GRIN2B: variants seen among roughly 807,000 people sequenced by gnomAD.
The protein encoded by GRIN2B is glutamate ionotropic receptor NMDA type subunit 2B, also known as glutamate receptor ionotropic, NMDA 2B.
In GRIN2B, 5 loss-of-function variants were observed where a neutral mutation model predicts 114.5. The ratio of observed to expected loss-of-function variants is 0.04; its 90% CI spans 0.02 to 0.09. The LOEUF (loss-of-function observed/expected upper bound fraction) is 0.09, where lower values mean the gene tolerates loss of function less well. GRIN2B is among the 10% of genes least tolerant of loss of function. The pLI is 1.00. For missense variants in GRIN2B, 1,108 were observed against 1,943.5 expected, an observed-to-expected ratio of 0.57 and a Z score of 8.08; for synonymous variants, 787 against 745.1, an observed-to-expected ratio of 1.06 and a Z score of -0.92.
intron 5 of GRIN2B, among the ~76,000 whole-genome samples, chr12:13,644,171 T>C (rs1949743190): frequency 6.6e-6 from 1 of 152,176 alleles, no homozygotes; most frequent in African/African-American, 2.4e-5. Context: ...ATTTCTTAAA[T>C]AATAAGACTT....
chr12:13,920,045 A>T (rs1271826953), intron 2 of GRIN2B, among the ~76,000 whole-genome samples: 1 of 152,052 alleles, frequency 6.6e-6, no homozygotes, highest in Non-Finnish European at 1.5e-5. Context: ...AGGGTGGTAA[A>T]AAGCCCTCAG....
In GRIN2B at chr12:13,563,995, A is replaced by T; in HGVS notation, c.3243T>A (p.Arg1081=). The part of the protein sequence containing the change: ...GNIEGNAAKR[R]KQQYKDSLKK... Reference sequence around the variant, plus strand: ...TCAGGCTGTCCTTATATTGCTGCTTACGCCTCTTGGCGGCATTGCCCTCGA... The same window carrying T: ...TCAGGCTGTCCTTATATTGCTGCTTTCGCCTCTTGGCGGCATTGCCCTCGA... Residue 1081 remains arginine, a synonymous_variant, in exon 14 of 14, where the codon CGT becomes CGA. Transcript: ENST00000609686. 6.2e-7 allele frequency: 1 copy of T among 1,614,246 alleles called. No homozygotes were observed. The highest frequency in any genetic ancestry group is 8.5e-7 in the Non-Finnish European group (1 of 1,180,040).
chr12:13,847,359 C>G (rs566278612), intron 3 of GRIN2B, among the ~76,000 whole-genome samples: 1 of 152,252 alleles, frequency 6.6e-6, no homozygotes, highest in Non-Finnish European at 1.5e-5. Context: ...CAAGGTCCCA[C>G]AGAGATAGGG....
intron 4 of GRIN2B, among the ~76,000 whole-genome samples, chr12:13,687,179 T>C (rs1373626615): frequency 6.6e-6 from 1 of 152,176 alleles, no homozygotes; most frequent in African/African-American, 2.4e-5. Flanking sequence ...GAGTTTTCTT[T>C]ATAGCAACAC....
chr12:13,582,720 T>C (rs927942094), intron 10 of GRIN2B, among the ~76,000 whole-genome samples: 1 of 151,754 alleles, frequency 6.6e-6, no homozygotes, highest in Non-Finnish European at 1.5e-5. Flanking sequence ...GGAGCTGGGG[T>C]TCTATAATAG....
intron 3 of GRIN2B, among the ~76,000 whole-genome samples, chr12:13,846,005 T>C (rs1865467859): frequency 6.6e-6 from 1 of 152,364 alleles, no homozygotes; most frequent in East Asian, 1.9e-4. Flanking sequence ...ACCTATTTAT[T>C]CACTCACCTT....
chr12:13,761,602 A>C (rs7301820), intron 3 of GRIN2B, among the ~76,000 whole-genome samples: 2,797 of 152,306 alleles, frequency 0.018, 86 homozygotes, highest in African/African-American at 0.064. Context: ...GACCACTAAA[A>C]TCTTAACAAG....
chr12:13,936,528 T>A (rs749527561), intron 2 of GRIN2B, among the ~76,000 whole-genome samples: 4 of 152,156 alleles, frequency 2.6e-5, no homozygotes, highest in Non-Finnish European at 5.9e-5. Flanking sequence ...TAACAAAGCA[T>A]AAAACCAAGC....
chr12:13,961,863 G>A (rs1010527457), intron 2 of GRIN2B, among the ~76,000 whole-genome samples: 20 of 152,068 alleles, frequency 1.3e-4, no homozygotes, highest in Non-Finnish European at 2.4e-4. Context: ...CACGGCTCAG[G>A]CACATATGAG....
chr12:13,773,594 A>G (rs1863947261), intron 3 of GRIN2B, among the ~76,000 whole-genome samples: 1 of 152,108 alleles, frequency 6.6e-6, no homozygotes, highest in Admixed American at 6.6e-5. Flanking sequence ...TCTTCTTGGT[A>G]TGGGCACACT....
rs773452060 is a variant in GRIN2B, at chr12:13,567,019, A to G, written c.2598+6T>C. 2 of 1,597,422 alleles carry G rather than the reference A, an allele frequency of 1.3e-6. No homozygotes were observed. The highest frequency in any genetic ancestry group is 1.3e-5 in the African/African-American group (1 of 74,710). On this transcript the variant is annotated splice_donor_region_variant and intron_variant, in intron 13 of 13. Coordinates refer to ENST00000609686, the MANE Select transcript of GRIN2B (RefSeq NM_000834.5). ...AAGCTTTAGGCATTTAAATCAAAAC[A>G]CTTACTCTGCTGATGGAGAAGACCA...
chr12:13,890,956 C>T (rs1368129423), intron 2 of GRIN2B, among the ~76,000 whole-genome samples: 2 of 152,166 alleles, frequency 1.3e-5, no homozygotes, highest in Non-Finnish European at 2.9e-5. Context: ...GATGAGGCCT[C>T]TTAAGGCAAT....
chr12:13,609,176 A>G (rs905225781), intron 9 of GRIN2B, among the ~76,000 whole-genome samples: 1 of 152,258 alleles, frequency 6.6e-6, no homozygotes, highest in African/African-American at 2.4e-5. Flanking sequence ...AAACAGGCCA[A>G]CTATGTCACT....
chr12:13,622,009 T>C lies in GRIN2B; in HGVS notation c.1126-5352A>G, dbSNP rs1949523078. Among the ~76,000 whole-genome samples, 4 of 151,430 alleles carry C rather than the reference T, an allele frequency of 2.6e-5. 1 individual carries two copies. In the South Asian group the frequency reaches 8.4e-4, roughly 32 times the overall value. ...GTGAGCAGAAGGGCGAATGTGTCAT[T>C]GTGAAGAAGGGAGAGGGGACCAGGG... On this transcript the variant is annotated intron_variant, in intron 5 of 13. Coordinates refer to ENST00000609686, the MANE Select transcript of GRIN2B (RefSeq NM_000834.5).
intron 10 of GRIN2B, among the ~76,000 whole-genome samples, chr12:13,601,860 G>T (rs1229482017): frequency 6.6e-6 from 1 of 152,192 alleles, no homozygotes; most frequent in Admixed American, 6.5e-5. Flanking sequence ...TGAAGTTAAG[G>T]ATCTCTTGTC....
At chr12:13,715,119 A>C (rs1417960721) in intron 4 of GRIN2B, among the ~76,000 whole-genome samples, 2 of 151,884 alleles carry the variant, frequency 1.3e-5, no homozygotes, top group Non-Finnish European at 1.5e-5. Context: ...TGATGTATGA[A>C]ATAATGAAGA....
chr12:13,584,315 C>T (rs778204332), intron 10 of GRIN2B, among the ~76,000 whole-genome samples: 2 of 152,208 alleles, frequency 1.3e-5, no homozygotes, highest in Non-Finnish European at 2.9e-5. Flanking sequence ...GCCCTTTCCT[C>T]CTTAGAATGT....
intron 10 of GRIN2B, among the ~76,000 whole-genome samples, chr12:13,605,443 A>G (rs1420068433): frequency 6.6e-6 from 1 of 151,920 alleles, no homozygotes; most frequent in East Asian, 1.9e-4. Context: ...AGGATATCAG[A>G]TGCAGGAACC....
chr12:13,931,824 G>C (rs532335212), intron 2 of GRIN2B, among the ~76,000 whole-genome samples: 1 of 152,134 alleles, frequency 6.6e-6, no homozygotes, highest in East Asian at 1.9e-4. Context: ...CGCAAGTTAA[G>C]TCAGCTGTAC....
Sources: gnomAD v4.1 joint callset for allele counts (sites outside exome capture counted in the v4.1 genomes callset) on GRCh38, gnomAD v4.1.1 for gene constraint, MANE v1.5 for transcripts, NCBI Gene and HGNC (gene_info 2026-07-23, HGNC 2026-07-21) for gene names.